BMP1: variants seen among roughly 807,000 people sequenced by gnomAD.
BMP1 encodes the protein mammalian tolloid protein.
BMP1 carries 63 observed loss-of-function variants against 116.8 expected under a neutral mutation model. The ratio of observed to expected loss-of-function variants is 0.54; its 90% CI spans 0.44 to 0.67. The LOEUF (loss-of-function observed/expected upper bound fraction) is 0.67, where lower values mean the gene tolerates loss of function less well. Ranked by LOEUF, BMP1 falls within the 30% of genes least tolerant of loss-of-function variation. The probability of loss-of-function intolerance (pLI) is 0.00; values close to 1 mark genes in which losing one functional copy is unlikely to be tolerated. For missense variants in BMP1, 1,183 were observed against 1,358.9 expected, an observed-to-expected ratio of 0.87 and a Z score of 2.04; for synonymous variants, 536 against 533.4, an observed-to-expected ratio of 1.00 and a Z score of -0.07.
At chr8:22,184,410 C>G (rs1280070530) in intron 8 of BMP1, among the ~76,000 whole-genome samples, 7 of 152,142 alleles carry the variant, frequency 4.6e-5, no homozygotes, top group Admixed American at 3.3e-4. Context: ...TCCTTTTTTT[C>G]AGAAGCTTGC....
At chr8:22,211,486 G>T (rs145240476) in intron 19 of BMP1, 108 bp from the exon 20 acceptor site, 3 of 1,471,022 alleles carry the variant, frequency 2.0e-6, no homozygotes, top group East Asian at 4.6e-5. Flanking sequence ...GGAGAATCTG[G>T]TGGCTGCCTG....
chr8:22,209,421 G>C (rs1255996387), intron 18 of BMP1, 24 bp from the exon 19 acceptor site: 1 of 1,611,870 alleles, frequency 6.2e-7, no homozygotes, highest in East Asian at 2.2e-5. Flanking sequence ...CTCAGGGCTG[G>C]TTGGCCCCTC....
At chr8:22,206,815 GT>G (rs1563279782) in intron 16 of BMP1, 38 bp from the exon 17 acceptor site, 1 of 1,613,066 alleles carries the variant, frequency 6.2e-7, no homozygotes, top group Admixed American at 1.7e-5. Context: ...GGAGCTTGGG[GT>G]CCCTCTCTAT....
At position 22,206,946 on chromosome 8, in the gene BMP1, G is replaced by A; in HGVS notation, c.2326G>A (p.Ala776Thr). Reference protein sequence around the residue: ...KYPSKKECTWAISSTPGHRVK... With the variant: ...KYPSKKECTWTISSTPGHRVK... ...TCCCAGCAAGAAGGAGTGCACGTGG[G>A]CCATCTCCAGCACCCCCGGGCACCG... Residue 776 changes from alanine (A) to threonine (T), a missense_variant, in exon 17 of 20, where the codon GCC becomes ACC. Ala to Thr is a moderately conservative substitution (Grantham distance 58). Transcript: ENST00000306385. The A allele has an allele frequency of 1.2e-6, 2 of 1,614,172 alleles. No individual in the cohort carries two copies. The highest frequency in any genetic ancestry group is 1.7e-6 in the Non-Finnish European group (2 of 1,180,010).
Position 22,207,480 on chromosome 8 carries a change from G to A in BMP1, c.2539G>A (p.Val847Ile), listed in dbSNP as rs1829384540. 1 of 1,613,744 alleles carries A rather than the reference G, an allele frequency of 6.2e-7. No individual in the cohort carries two copies. The highest frequency in any genetic ancestry group is 8.5e-7 in the Non-Finnish European group (1 of 1,180,042). The change falls in exon 18 of 20, where the codon GTC (valine) becomes ATC (isoleucine). Residue 847 changes from valine to isoleucine, a missense_variant. Physicochemically the swap from Val to Ile is conservative, Grantham distance 29. Around this residue, in one of 4 missense-constraint regions of BMP1, gnomAD observed 956 missense variants for 1,135.2 expected, o/e 0.84. Transcript: ENST00000306385. The part of the protein sequence containing the change: ...MFLRFYSDNS[V>I]QRKGFQASHA... ...CCTGCGCTTCTACTCAGATAACTCG[G>A]TCCAGCGAAAGGGCTTCCAGGCCTC... is the stretch of plus-strand genomic sequence containing the variant.
At chr8:22,200,187 A>T (rs116474401) in intron 15 of BMP1, among the ~76,000 whole-genome samples, 2,279 of 152,008 alleles carry the variant, frequency 0.015, 56 homozygotes, top group East Asian at 0.075. Context: ...CGGCACACAC[A>T]CCCCTGTGAC....
In BMP1 at chr8:22,211,707, C is replaced by T. The variant is rs763117802; in HGVS notation, c.2940C>T (p.Asp980=). 14 of 1,614,048 alleles carry T rather than the reference C, an allele frequency of 8.7e-6. No individual in the cohort carries two copies. Among genetic ancestry groups the T allele is most frequent in the Non-Finnish European group, 1.2e-5 (14 of 1,180,036 alleles). Reference sequence around the variant, plus strand: ...GATACACCAGCACCAAGTTCCAGGACACACTCCACAGCAGGAAGTGACCAC... The same window carrying T: ...GATACACCAGCACCAAGTTCCAGGATACACTCCACAGCAGGAAGTGACCAC... ...HLRYTSTKFQ[D]TLHSRK The change falls in exon 20 of 20, where the codon GAC becomes GAT. Residue 980 remains aspartate (D), a synonymous_variant. Transcript: ENST00000306385.
intron 8 of BMP1, among the ~76,000 whole-genome samples, chr8:22,189,063 A>G (rs1828858352): frequency 6.6e-6 from 1 of 152,126 alleles, no homozygotes; most frequent in Non-Finnish European, 1.5e-5. Context: ...CACACAGTAA[A>G]CTTTTTGAAC....
intron 9 of BMP1, among the ~76,000 whole-genome samples, chr8:22,193,648 G>A (rs1828995900): frequency 6.6e-6 from 1 of 152,220 alleles, no homozygotes; most frequent in South Asian, 2.1e-4. Flanking sequence ...GCTGGGTGTG[G>A]TGGCAGATGC....
At chr8:22,197,503 C>A in intron 15 of BMP1, 83 bp downstream of exon 15, 1 of 1,441,234 alleles carries the variant, frequency 6.9e-7, no homozygotes, top group Non-Finnish European at 9.4e-7. Context: ...CACCCCTGTA[C>A]TCCCCAGCCC....
In BMP1 at chr8:22,176,134, C is replaced by T. The variant is rs1037950666; in HGVS notation, c.263-9C>T. ...TCCACTCACTAGTCACCATGACTTC[C>T]TCTCTCAGTTCCAGGAAACACTTCT... On this transcript the variant is annotated splice_polypyrimidine_tract_variant and intron_variant, in intron 2 of 19. Coordinates refer to ENST00000306385, the MANE Select transcript of BMP1 (RefSeq NM_006129.5). 1.1e-5 allele frequency: 17 copies of T among 1,613,830 alleles called. No individual in the cohort carries two copies. The highest frequency in any genetic ancestry group is 1.4e-5 in the Non-Finnish European group (16 of 1,179,874).
chr8:22,196,900 C>T (rs2131887800), intron 14 of BMP1, 60 bp downstream of exon 14: 1 of 1,548,528 alleles, frequency 6.5e-7, no homozygotes, highest in Non-Finnish European at 8.8e-7. Flanking sequence ...GCATTCAGCT[C>T]AGTGCCTGCT....
chr8:22,203,627 C>T (rs752823193), intron 16 of BMP1, among the ~76,000 whole-genome samples: 10 of 152,170 alleles, frequency 6.6e-5, no homozygotes, highest in Non-Finnish European at 1.0e-4. Context: ...GGCTCTGAGC[C>T]ATTAGCACCA....
chr8:22,212,078 CG>C lies in BMP1; in HGVS notation c.*355del. The C allele has an allele frequency of 3.8e-6, 1 of 261,430 alleles. No individual in the cohort carries two copies. Among genetic ancestry groups the C allele is most frequent in the East Asian group, 7.3e-5 (1 of 13,658 alleles). 16.2% of individuals were successfully genotyped at this position (261,430 alleles called of 1,614,324 possible). A position where few individuals can be genotyped will look rare whatever the true frequency, so the allele number is the denominator to read the frequency against. On this transcript the variant is annotated 3_prime_UTR_variant, in exon 20 of 20. Transcript: ENST00000306385. Reference sequence around the variant, plus strand: ...CTCTACACGCTGTATTGTGTATCACCGGGGGCATTATTTTCATTGTAATGTT... The same window carrying C: ...CTCTACACGCTGTATTGTGTATCACCGGGGCATTATTTTCATTGTAATGTT...
chr8:22,176,910 A>G, intron 4 of BMP1, 51 bp from the exon 5 acceptor site: 2 of 1,198,172 alleles, frequency 1.7e-6, no homozygotes, highest in Non-Finnish European at 2.3e-6. Flanking sequence ...CCCTGAGTGG[A>G]TGCACTCCCC....
chr8:22,167,612 G>T (rs1284996177), intron 1 of BMP1, among the ~76,000 whole-genome samples: 1 of 152,210 alleles, frequency 6.6e-6, no homozygotes, highest in Non-Finnish European at 1.5e-5. Context: ...CAGGTTTCAT[G>T]CTAGGGTGGG....
intron 15 of BMP1, among the ~76,000 whole-genome samples, chr8:22,200,241 G>A (rs896038254): frequency 1.2e-4 from 19 of 152,228 alleles, no homozygotes; most frequent in African/African-American, 4.3e-4. Flanking sequence ...TGTGTTCATC[G>A]TGTGAGTGCA....
intron 18 of BMP1, among the ~76,000 whole-genome samples, chr8:22,208,583 G>T (rs1362369049): frequency 6.6e-6 from 1 of 152,246 alleles, no homozygotes; most frequent in Non-Finnish European, 1.5e-5. Flanking sequence ...AGCCCAGAGT[G>T]TGCCCAGGTG....
chr8:22,173,915 A>G (rs894319842), intron 2 of BMP1, among the ~76,000 whole-genome samples, 200 bp downstream of exon 2: 1 of 152,244 alleles, frequency 6.6e-6, no homozygotes, highest in Non-Finnish European at 1.5e-5. Flanking sequence ...CCAGCAACTA[A>G]GAACTGACAT....
Sources: gnomAD v4.1 joint callset for allele counts (sites outside exome capture counted in the v4.1 genomes callset) on GRCh38, gnomAD v4.1.1 for gene constraint, gnomAD v4.1.1 regional missense constraint, MANE v1.5 for transcripts, NCBI Gene and HGNC (gene_info 2026-07-23, HGNC 2026-07-21) for gene names.